The following ADCK1 variants were observed in gnomAD, a reference collection of about 807,000 sequenced individuals.
ADCK1 encodes aarF domain containing kinase 1, also known as aarF domain-containing protein kinase 1.
ADCK1 carries 41 observed loss-of-function variants against 52.3 expected under a neutral mutation model. The ratio of observed to expected loss-of-function variants is 0.78; its 90% confidence interval spans 0.61 to 1.02. The LOEUF is 1.02. Among genes scored for constraint, ADCK1 ranks in the 50% least tolerant of loss-of-function variants. The probability of loss-of-function intolerance (pLI) is 0.00; values close to 1 mark genes in which losing one functional copy is unlikely to be tolerated. For synonymous variants in ADCK1, 250 were observed against 274.6 expected (o/e 0.91, Z 0.89); for missense variants, 658 against 679.5 (o/e 0.97, Z 0.35).
chr14:77,817,958 T>A (rs979348219), intron 1 of ADCK1, among the ~76,000 whole-genome samples: 12 of 151,822 alleles, frequency 7.9e-5, no homozygotes, highest in South Asian at 2.1e-4. Flanking sequence ...CAGGATGGTC[T>A]TGATCTCCTG....
chr14:77,833,955 A>G lies in ADCK1; in HGVS notation c.219+11437A>G, dbSNP rs186396310. Among the ~76,000 whole-genome samples, 203 of 152,316 alleles carry G rather than the reference A, an allele frequency of 1.3e-3. 1 individual carries two copies. The highest frequency in any genetic ancestry group is 4.4e-3 in the African/African-American group (183 of 41,584). On this transcript the variant is annotated intron_variant, in intron 3 of 10. Coordinates refer to ENST00000238561, the MANE Select transcript of ADCK1 (RefSeq NM_020421.4). ...AAAAATGTGTAATATTTAAGACCTA[A>G]GACAAAGTGTAAAAAGGAATTCAGT...
intron 7 of ADCK1, among the ~76,000 whole-genome samples, chr14:77,916,469 A>C (rs1347297229): frequency 6.6e-6 from 1 of 152,004 alleles, no homozygotes; most frequent in Admixed American, 6.5e-5. Context: ...TTATTTATTT[A>C]TTTTAATATA....
chr14:77,861,928 C>G (rs2082557533), intron 4 of ADCK1, among the ~76,000 whole-genome samples: 1 of 152,242 alleles, frequency 6.6e-6, no homozygotes, highest in Non-Finnish European at 1.5e-5. Context: ...ACCATCAGTG[C>G]AGAGGTGAGG....
chr14:77,906,330 G>A (rs1022037633), intron 6 of ADCK1, among the ~76,000 whole-genome samples: 1 of 152,194 alleles, frequency 6.6e-6, no homozygotes, highest in Non-Finnish European at 1.5e-5. Flanking sequence ...ACAATTTGGG[G>A]GAAACTCGGC....
intron 3 of ADCK1, among the ~76,000 whole-genome samples, chr14:77,832,597 T>C (rs985221413): frequency 2.6e-5 from 4 of 152,182 alleles, no homozygotes; most frequent in Non-Finnish European, 5.9e-5. Flanking sequence ...AGAAGGGCAA[T>C]AGAGCCACCT....
intron 3 of ADCK1, among the ~76,000 whole-genome samples, chr14:77,846,084 C>T (rs974914267): frequency 2.6e-5 from 4 of 152,158 alleles, no homozygotes; most frequent in Non-Finnish European, 5.9e-5. Flanking sequence ...CAAGAACCAG[C>T]TGCCACATGG....
At chr14:77,809,425 G>A (rs575970646) in intron 1 of ADCK1, among the ~76,000 whole-genome samples, 1 of 152,022 alleles carries the variant, frequency 6.6e-6, no homozygotes, top group Non-Finnish European at 1.5e-5. Context: ...CGCCTCCCGG[G>A]TTCAAGCGAT....
chr14:77,892,260 T>G (rs888574477), intron 5 of ADCK1, among the ~76,000 whole-genome samples: 1 of 152,162 alleles, frequency 6.6e-6, no homozygotes, highest in African/African-American at 2.4e-5. Context: ...ACACCCAAAC[T>G]CATAACTACT....
intron 4 of ADCK1, among the ~76,000 whole-genome samples, chr14:77,864,956 G>A (rs897183260): frequency 6.6e-6 from 1 of 152,130 alleles, no homozygotes; most frequent in African/African-American, 2.4e-5. Context: ...GCTATGGAGA[G>A]TAATCTGTTT....
chr14:77,864,649 G>A (rs1484753858), intron 4 of ADCK1, among the ~76,000 whole-genome samples: 1 of 151,868 alleles, frequency 6.6e-6, no homozygotes, highest in Non-Finnish European at 1.5e-5. Context: ...GTGTGTGTGT[G>A]TGTGTGTGTG....
intron 6 of ADCK1, among the ~76,000 whole-genome samples, chr14:77,905,303 GGTT>G (rs1333226834): frequency 4.6e-5 from 3 of 65,340 alleles, no homozygotes; most frequent in African/African-American, 2.1e-4. Flanking sequence ...TTTCCTAGCT[GGTT>G]TTTTTTTTTT....
At chr14:77,850,063 T>C (rs1467410132) in intron 3 of ADCK1, among the ~76,000 whole-genome samples, 3 of 152,038 alleles carry the variant, frequency 2.0e-5, no homozygotes, top group Non-Finnish European at 4.4e-5. Flanking sequence ...AAAAATTACC[T>C]GGGTGTGGTG....
At chr14:77,862,475 G>A (rs1463535650) in intron 4 of ADCK1, among the ~76,000 whole-genome samples, 4 of 152,178 alleles carry the variant, frequency 2.6e-5, no homozygotes, top group African/African-American at 9.7e-5. Context: ...ATGAGACTGG[G>A]GGTCTTTCTG....
At chr14:77,823,192 G>C (rs1427473597) in intron 3 of ADCK1, among the ~76,000 whole-genome samples, 6 of 152,090 alleles carry the variant, frequency 3.9e-5, no homozygotes, top group Non-Finnish European at 7.3e-5. Flanking sequence ...ATTTTTTGTG[G>C]ATGTAGGTTG....
intron 4 of ADCK1, among the ~76,000 whole-genome samples, chr14:77,876,921 A>G (rs1338083981): frequency 1.3e-5 from 2 of 152,214 alleles, no homozygotes; most frequent in East Asian, 3.8e-4. Context: ...TTGCATGTAC[A>G]AAGAGCTTTG....
chr14:77,909,509 A>G (rs1039430819), intron 7 of ADCK1, among the ~76,000 whole-genome samples: 2 of 152,124 alleles, frequency 1.3e-5, no homozygotes, highest in South Asian at 2.1e-4. Flanking sequence ...TGTGGTCCCA[A>G]TGGGGAGTTG....
At chr14:77,816,900 A>G (rs1412423410) in intron 1 of ADCK1, among the ~76,000 whole-genome samples, 3 of 145,922 alleles carry the variant, frequency 2.1e-5, no homozygotes, top group Non-Finnish European at 4.5e-5. Context: ...ATATATATAT[A>G]TATTTAAAAA....
rs1018243150 is a variant in ADCK1 at position 77,809,428 on chromosome 14, C to G, written c.-12+9258C>G. 7.2e-5 allele frequency among the ~76,000 whole-genome samples: 11 copies of G among 152,200 alleles called. 1 individual carries two copies. The highest frequency in any genetic ancestry group is 6.8e-3 in the Middle Eastern group (2 of 294). The stretch of plus-strand genomic sequence containing the variant: ...CACTACAATTACCGCCTCCCGGGTT[C>G]AAGCGATTCTCTTGCCTCAGCCTCT... On this transcript the variant is annotated intron_variant, in intron 1 of 10. Transcript: ENST00000238561.
intron 1 of ADCK1, among the ~76,000 whole-genome samples, chr14:77,817,539 C>T (rs2081482816): frequency 6.6e-6 from 1 of 152,140 alleles, no homozygotes; most frequent in East Asian, 1.9e-4. Context: ...GACTGTGCAG[C>T]CACCTGGTGG....
Sources: gnomAD v4.1 joint callset for allele counts (sites outside exome capture counted in the v4.1 genomes callset) on GRCh38, gnomAD v4.1.1 for gene constraint, MANE v1.5 for transcripts, NCBI Gene and HGNC (gene_info 2026-07-23, HGNC 2026-07-21) for gene names.